The following DIP2A variants were observed in gnomAD, a reference collection of about 807,000 sequenced individuals.
DIP2A encodes the protein DIP2 acetate--CoA ligase A.
In DIP2A, 85 loss-of-function variants were observed where a neutral mutation model predicts 177.4. That is an observed-to-expected ratio of 0.48 (90% CI 0.40 to 0.57). The LOEUF (loss-of-function observed/expected upper bound fraction) is 0.57, where lower values mean the gene tolerates loss of function less well. Ranked by LOEUF, DIP2A falls within the 20% of genes least tolerant of loss-of-function variation. The probability of loss-of-function intolerance (pLI) is 0.00; values close to 1 mark genes in which losing one functional copy is unlikely to be tolerated. For synonymous variants in DIP2A, 886 were observed against 881.8 expected, an observed-to-expected ratio of 1.00 and a Z score of -0.08; for missense variants, 1,791 against 2,100.2, an observed-to-expected ratio of 0.85 and a Z score of 2.88.
In DIP2A at chr21:46,556,836, G is replaced by C. The variant is rs1008285923; in HGVS notation, c.3499-103G>C. ...AAATAAATATGATGTTTGGTAGTTC[G>C]GAGCTATGGTCTAGCCATGTGAACA... On this transcript the variant is annotated intron_variant, in intron 29 of 37. Transcript: ENST00000417564. This position sits in a 1 kb window ranked among gnomAD's most constrained non-coding sequence, Gnocchi z 4.5. The C allele has an allele frequency of 2.9e-6, 3 of 1,020,946 alleles. No individual in the cohort carries two copies. The highest frequency in any genetic ancestry group is 4.1e-6 in the Non-Finnish European group (3 of 728,718). The allele number at this position is 1,020,946 out of a possible 1,614,324, so 63.2% of individuals were successfully genotyped here.
At chr21:46,554,786 G>GGGGGGGGGGGGGGGCCC in intron 27 of DIP2A, 36 bp from the exon 28 acceptor site, 2 of 1,519,084 alleles carry the variant, frequency 1.3e-6, no homozygotes, top group Non-Finnish European at 1.8e-6. Flanking sequence ...AGCTTGAGAG[G>GGGGGGGGGGGGGGGCCC]CCCCGCCCAC....
chr21:46,519,882 TTTTTTTTTTTG>T (rs1407586506), intron 8 of DIP2A, among the ~76,000 whole-genome samples: 22 of 90,066 alleles, frequency 2.4e-4, no homozygotes, highest in East Asian at 6.7e-4. Flanking sequence ...TTTTTTTTTT[TTTTTTTTTTTG>T]AGATGGAGTC....
intron 1 of DIP2A, among the ~76,000 whole-genome samples, chr21:46,476,027 A>T (rs2055811233): frequency 6.6e-6 from 1 of 151,430 alleles, no homozygotes; most frequent in Non-Finnish European, 1.5e-5. Flanking sequence ...CGAGGTCAGG[A>T]GATTGAGACC....
intron 1 of DIP2A, among the ~76,000 whole-genome samples, chr21:46,468,313 A>G (rs1024574457): frequency 1.4e-5 from 2 of 147,906 alleles, no homozygotes; most frequent in African/African-American, 5.0e-5. Flanking sequence ...CTATAATCCC[A>G]GCTACTCTGA....
chr21:46,542,194 C>T (rs2059847652), intron 18 of DIP2A, among the ~76,000 whole-genome samples: 1 of 152,140 alleles, frequency 6.6e-6, no homozygotes, highest in Admixed American at 6.5e-5. Flanking sequence ...TCAGTTTTTT[C>T]CCTCCCTTTG....
At chr21:46,531,355 TA>T (rs1352267161) in intron 9 of DIP2A, among the ~76,000 whole-genome samples, 2 of 152,124 alleles carry the variant, frequency 1.3e-5, no homozygotes, top group African/African-American at 4.8e-5. Flanking sequence ...ACAAATTAGC[TA>T]GAGAATACAC....
chr21:46,485,698 A>ACTT (rs3060303), intron 2 of DIP2A, among the ~76,000 whole-genome samples: 126,043 of 151,778 alleles, frequency 0.83, 52,675 homozygotes, highest in African/African-American at 0.92. Context: ...AAAATTAAGA[A>ACTT]CTTTTTTTCA....
chr21:46,467,029 G>A (rs553386534), intron 1 of DIP2A, among the ~76,000 whole-genome samples: 3 of 152,132 alleles, frequency 2.0e-5, no homozygotes, highest in African/African-American at 7.2e-5. Context: ...GGGCGCGGTG[G>A]CTCACGCCTG....
chr21:46,542,434 G>A (rs2059856119), intron 18 of DIP2A, among the ~76,000 whole-genome samples: 1 of 152,214 alleles, frequency 6.6e-6, no homozygotes, highest in East Asian at 1.9e-4. Flanking sequence ...GGTTATCTAA[G>A]TAAGTTCTAG....
At position 46,537,379 on chromosome 21, in the gene DIP2A, G is replaced by C. The variant is rs573731373; in HGVS notation, c.1708-67G>C. On this transcript the variant is annotated intron_variant, in intron 14 of 37. Coordinates refer to ENST00000417564, the MANE Select transcript of DIP2A (RefSeq NM_015151.4). This position sits in a 1 kb window ranked among gnomAD's most constrained non-coding sequence, Gnocchi z 4.1. ...TGAAATGTTGTTGGGAGAGTACATC[G>C]GTTTTGTTTTGCTTTTTCTGGTGTG... 6.2e-7 allele frequency: 1 copy of C among 1,609,542 alleles called. No homozygotes were observed. Among genetic ancestry groups the C allele is most frequent in the African/African-American group, 1.3e-5 (1 of 74,974 alleles).
chr21:46,534,981 A>G (rs967803970), intron 13 of DIP2A, among the ~76,000 whole-genome samples: 4 of 152,208 alleles, frequency 2.6e-5, no homozygotes, highest in Non-Finnish European at 4.4e-5. Flanking sequence ...CATGGAACCT[A>G]TATCCCACTG....
chr21:46,546,671 A>G (rs1255907200), intron 20 of DIP2A, among the ~76,000 whole-genome samples: 1 of 151,678 alleles, frequency 6.6e-6, no homozygotes, highest in Non-Finnish European at 1.5e-5. Flanking sequence ...CCCCTTTCCC[A>G]TGTTGCCTCC....
At chr21:46,533,248 G>A (rs2059671936) in intron 10 of DIP2A, among the ~76,000 whole-genome samples, 1 of 152,182 alleles carries the variant, frequency 6.6e-6, no homozygotes, top group Non-Finnish European at 1.5e-5. Context: ...AATGTCATTT[G>A]TAAGAATAAA....
chr21:46,503,433 G>GCAA (rs1208730724), intron 5 of DIP2A, among the ~76,000 whole-genome samples: 1 of 151,898 alleles, frequency 6.6e-6, no homozygotes, highest in Non-Finnish European at 1.5e-5. Context: ...TTTTAGGACT[G>GCAA]CAAAGGTTTG....
chr21:46,558,323 A>G lies in DIP2A; in HGVS notation c.3899A>G (p.Asp1300Gly). 1 of 1,590,104 alleles carries G rather than the reference A, an allele frequency of 6.3e-7. No homozygotes were observed. Among genetic ancestry groups the G allele is most frequent in the Non-Finnish European group, 8.5e-7 (1 of 1,171,474 alleles). Residue 1300 changes from aspartate (D) to glycine (G), a missense_variant, in exon 32 of 38, where the codon GAC becomes GGC. By Grantham distance (94) the Asp-to-Gly change is moderately conservative. Coordinates refer to ENST00000417564, the MANE Select transcript of DIP2A (RefSeq NM_015151.4). ...CAGTCCTTCTCCAAGCTCTTCAAGGACCTGGGCCTGCCGGCCCGCGCCGTA... is the reference window on the plus strand; with the variant it reads ...CAGTCCTTCTCCAAGCTCTTCAAGGGCCTGGGCCTGCCGGCCCGCGCCGTA... ...LTQSFSKLFK[D>G]LGLPARAVST...
chr21:46,511,621 G>A lies in DIP2A; in HGVS notation c.1102+7G>A, dbSNP rs1358350287. Reference sequence around the variant, plus strand: ...GTCTACACTCTCACCTATGGCAAGTGTTAACAGAAAGCAGTTGTGCTTCTG... The same window carrying A: ...GTCTACACTCTCACCTATGGCAAGTATTAACAGAAAGCAGTTGTGCTTCTG... On this transcript the variant is annotated splice_region_variant and intron_variant, in intron 8 of 37. Coordinates refer to ENST00000417564, the MANE Select transcript of DIP2A (RefSeq NM_015151.4). 3 of 1,518,954 alleles carry A rather than the reference G, an allele frequency of 2.0e-6. No individual in the cohort carries two copies. Among genetic ancestry groups the A allele is most frequent in the Non-Finnish European group, 2.6e-6 (3 of 1,135,632 alleles). The allele number at this position is 1,518,954 out of a possible 1,614,324, so 94.1% of individuals were successfully genotyped here.
intron 1 of DIP2A, among the ~76,000 whole-genome samples, chr21:46,465,758 A>T (rs2148265982): frequency 6.6e-6 from 1 of 152,336 alleles, no homozygotes; most frequent in East Asian, 1.9e-4. Context: ...TAAAAAAAAA[A>T]ATTGGCCTTT....
At chr21:46,572,080 T>C (rs1168293908), downstream of DIP2A, among the ~76,000 whole-genome samples, 1 of 152,304 alleles carries the variant, frequency 6.6e-6, no homozygotes, top group African/African-American at 2.4e-5. Flanking sequence ...GGTCCACCAA[T>C]ACCTAGTTTA....
chr21:46,524,485 G>A lies in DIP2A; in HGVS notation c.1103-4607G>A, dbSNP rs775871912. Among the ~76,000 whole-genome samples, 3 of 152,110 alleles carry A rather than the reference G, an allele frequency of 2.0e-5. No individual in the cohort carries two copies. In the East Asian group the frequency reaches 5.8e-4, roughly 29 times the overall value. ...TTGGTGCTGTGGTCTTATCTCCTTT[G>A]GGTCGGGGGTCTCCTCAGTATTGTC... On this transcript the variant is annotated intron_variant, in intron 8 of 37. Coordinates refer to ENST00000417564, the MANE Select transcript of DIP2A (RefSeq NM_015151.4).
Sources: allele counts gnomAD v4.1 joint callset (sites outside exome capture counted in the v4.1 genomes callset), GRCh38; gene constraint gnomAD v4.1.1; non-coding constraint Gnocchi (gnomAD v3.1); transcripts MANE v1.5; gene names NCBI Gene and HGNC (gene_info 2026-07-23, HGNC 2026-07-21).